The following ADGRL3 variants were observed in gnomAD, a reference collection of about 807,000 sequenced individuals.
The protein encoded by ADGRL3 is calcium-independent alpha-latrotoxin receptor 3.
A neutral mutation model predicts 153.5 loss-of-function variants in ADGRL3; 62 were observed. The ratio of observed to expected loss-of-function variants is 0.40; its 90% confidence interval spans 0.33 to 0.50. ADGRL3 has a LOEUF of 0.50. Among genes scored for constraint, ADGRL3 ranks in the 20% least tolerant of loss-of-function variants. ADGRL3 has a pLI of 0.47. For missense variants in ADGRL3, 1,641 were observed against 1,859.4 expected, an observed-to-expected ratio of 0.88 and a Z score of 2.16; for synonymous variants, 710 against 672.5, an observed-to-expected ratio of 1.06 and a Z score of -0.86.
intron 8 of ADGRL3, among the ~76,000 whole-genome samples, chr4:61,784,060 G>A (rs989452415): frequency 6.6e-6 from 1 of 152,026 alleles, no homozygotes; most frequent in Non-Finnish European, 1.5e-5. Context: ...ATCAGAGTTA[G>A]CCTAGAAAGT....
At chr4:61,722,009 A>AATCTAAAG (rs1171842722) in intron 6 of ADGRL3, among the ~76,000 whole-genome samples, 1 of 152,196 alleles carries the variant, frequency 6.6e-6, no homozygotes, top group Non-Finnish European at 1.5e-5. Context: ...TATAGTAATG[A>AATCTAAAG]ATCTAAAGAT....
chr4:61,882,628 C>T (rs73220163), intron 9 of ADGRL3, among the ~76,000 whole-genome samples: 1,733 of 152,280 alleles, frequency 0.011, 25 homozygotes, highest in African/African-American at 0.04. Context: ...ACCTCTCTGT[C>T]CTCATTTCAC....
chr4:61,377,136 T>TGGTATG (rs2096613063), intron 1 of ADGRL3, among the ~76,000 whole-genome samples: 1 of 152,012 alleles, frequency 6.6e-6, no homozygotes, highest in African/African-American at 2.4e-5. Context: ...ACCTTCCCTA[T>TGGTATG]CATATCCTAT....
chr4:61,553,966 T>C (rs73822652), intron 4 of ADGRL3, among the ~76,000 whole-genome samples: 3,259 of 152,174 alleles, frequency 0.021, 99 homozygotes, highest in East Asian at 0.13. Flanking sequence ...TTTAAATTAG[T>C]GTAGGGCAAT....
At chr4:61,448,905 G>GGAAGGAAGGAAGAA (rs2097638291) in intron 2 of ADGRL3, among the ~76,000 whole-genome samples, 1 of 99,838 alleles carries the variant, frequency 1.0e-5, no homozygotes, top group Non-Finnish European at 2.3e-5. Flanking sequence ...GAGGGAGGGA[G>GGAAGGAAGGAAGAA]GGGAACTAAC....
At chr4:62,005,316 T>C (rs1414393465) in intron 21 of ADGRL3, among the ~76,000 whole-genome samples, 2 of 152,178 alleles carry the variant, frequency 1.3e-5, no homozygotes, top group African/African-American at 4.8e-5. Context: ...GATCTTTCTG[T>C]GAATCAGGGT....
intron 9 of ADGRL3, among the ~76,000 whole-genome samples, chr4:61,882,497 G>A (rs2098514399): frequency 6.6e-6 from 1 of 152,166 alleles, no homozygotes; most frequent in Admixed American, 6.5e-5. Flanking sequence ...ATCCTATTAA[G>A]TGAAAGTTGT....
chr4:61,732,261 G>T (rs1413530397), intron 7 of ADGRL3, among the ~76,000 whole-genome samples: 1 of 151,964 alleles, frequency 6.6e-6, no homozygotes, highest in Non-Finnish European at 1.5e-5. Flanking sequence ...CTGTATTACA[G>T]GGCTTTTCTT....
At chr4:61,548,112 C>G (rs1221842985) in intron 4 of ADGRL3, among the ~76,000 whole-genome samples, 1 of 152,000 alleles carries the variant, frequency 6.6e-6, no homozygotes, top group Admixed American at 6.6e-5. Flanking sequence ...GTCCTTTGCC[C>G]ATGTTTAATG....
intron 8 of ADGRL3, among the ~76,000 whole-genome samples, chr4:61,813,426 T>G (rs1264335491): frequency 1.3e-5 from 2 of 152,034 alleles, no homozygotes; most frequent in African/African-American, 4.8e-5. Context: ...GAAAGAAATA[T>G]TTACAGCAAA....
intron 26 of ADGRL3, 86 bp from the exon 27 acceptor site, chr4:62,070,023 C>T: frequency 2.9e-6 from 3 of 1,047,104 alleles, no homozygotes; most frequent in Non-Finnish European, 4.3e-6. Flanking sequence ...ATTTCATAGT[C>T]AATGAATGTT....
At chr4:61,557,283 T>G (rs1239992205) in intron 4 of ADGRL3, among the ~76,000 whole-genome samples, 2 of 152,240 alleles carry the variant, frequency 1.3e-5, no homozygotes, top group African/African-American at 4.8e-5. Flanking sequence ...GAAATACACA[T>G]TAGAATACTT....
chr4:61,450,871 AAG>A (rs1244506796), intron 2 of ADGRL3, among the ~76,000 whole-genome samples: 1 of 152,130 alleles, frequency 6.6e-6, no homozygotes, highest in Non-Finnish European at 1.5e-5. Context: ...TTATCAAATG[AAG>A]AGTCATAACT....
chr4:61,529,764 C>T (rs2098600888), intron 4 of ADGRL3, among the ~76,000 whole-genome samples: 1 of 151,774 alleles, frequency 6.6e-6, no homozygotes, highest in Non-Finnish European at 1.5e-5. Context: ...GCAAGTTTAG[C>T]ATAAATGTAT....
chr4:61,752,641 C>T (rs1337622552), intron 8 of ADGRL3, among the ~76,000 whole-genome samples: 2 of 151,852 alleles, frequency 1.3e-5, no homozygotes, highest in Non-Finnish European at 2.9e-5. Flanking sequence ...TTATAATATT[C>T]AGTATGCTGG....
intron 21 of ADGRL3, among the ~76,000 whole-genome samples, chr4:62,022,487 A>T (rs776188878): frequency 2.6e-5 from 4 of 152,196 alleles, no homozygotes; most frequent in Non-Finnish European, 5.9e-5. Context: ...CCATGTAGAC[A>T]AAACAGCCTT....
At chr4:61,783,555 T>C (rs967290631) in intron 8 of ADGRL3, among the ~76,000 whole-genome samples, 1 of 152,058 alleles carries the variant, frequency 6.6e-6, no homozygotes, top group African/African-American at 2.4e-5. Flanking sequence ...CTGAATGAGT[T>C]ATGACCACAC....
chr4:61,893,042 C>T, intron 10 of ADGRL3, 84 bp downstream of exon 10: 2 of 796,948 alleles, frequency 2.5e-6, no homozygotes, highest in Non-Finnish European at 3.5e-6. Flanking sequence ...TTCCTTCCTC[C>T]TTTCCTCCCT....
chr4:61,939,791 C>T (rs956304525), intron 15 of ADGRL3, among the ~76,000 whole-genome samples: 4 of 152,092 alleles, frequency 2.6e-5, no homozygotes, highest in African/African-American at 2.4e-5. Flanking sequence ...TTTTAGACCT[C>T]ATATAACTGG....
Sources: allele counts gnomAD v4.1 joint callset (sites outside exome capture counted in the v4.1 genomes callset), GRCh38; gene constraint gnomAD v4.1.1; transcripts MANE v1.5; gene names NCBI Gene and HGNC (gene_info 2026-07-23, HGNC 2026-07-21).